VPS11: variants seen among roughly 807,000 people sequenced by gnomAD.
VPS11 encodes vacuolar protein sorting-associated protein 11 homolog.
A neutral mutation model predicts 106.8 loss-of-function variants in VPS11; 51 were observed. The ratio of observed to expected loss-of-function variants is 0.48; its 90% CI spans 0.38 to 0.60. VPS11 has a LOEUF of 0.60. Among genes scored for constraint, VPS11 ranks in the 20% least tolerant of loss-of-function variants. VPS11 has a pLI of 0.00. For missense variants in VPS11, 950 were observed against 1,190.0 expected, an observed-to-expected ratio of 0.80 and a Z score of 2.97; for synonymous variants, 453 against 458.7, an observed-to-expected ratio of 0.99 and a Z score of 0.16.
rs1445125263 is a variant in VPS11, at chr11:119,078,018, T to C, written c.1713T>C (p.Tyr571=). The change falls in exon 10 of 16, where the codon TAT becomes TAC. Residue 571 remains tyrosine, a synonymous_variant. Coordinates refer to ENST00000621676, the MANE Select transcript of VPS11 (RefSeq NM_021729.6). ...TQLLKGLCTD[Y]RPSLEGRSDR... ...TGCTGAAGGGACTTTGTACTGATTA[T>C]CGGCCCAGCCTCGAAGGCCGCAGCG... The C allele has an allele frequency of 5.6e-6, 9 of 1,613,352 alleles. No homozygotes were observed. Among genetic ancestry groups the C allele is most frequent in the Admixed American group, 1.7e-5 (1 of 60,028 alleles).
chr11:119,068,249 G>A (rs2133641447), intron 1 of VPS11: 24 of 441,906 alleles, frequency 5.4e-5, no homozygotes, highest in Admixed American at 1.2e-4. Flanking sequence ...ATCTGTAGGA[G>A]ATGTGTGCAT....
In VPS11 at chr11:119,078,636, G is replaced by A; in HGVS notation, c.1995G>A (p.Lys665=). 6.2e-7 allele frequency: 1 copy of A among 1,613,838 alleles called. No homozygotes were observed. Among genetic ancestry groups the A allele is most frequent in the Non-Finnish European group, 8.5e-7 (1 of 1,179,736 alleles). Residue 665 remains lysine, a synonymous_variant, in exon 12 of 16, where the codon AAG becomes AAA. Transcript: ENST00000621676. The part of the protein sequence containing the change: ...KSGRFCDVFD[K]ALVLCQMHDF... The stretch of plus-strand genomic sequence containing the variant: ...GTCGCTTCTGCGACGTCTTTGACAA[G>A]GCCCTGGTCCTGTGCCAGATGCACG...
intron 14 of VPS11, 103 bp downstream of exon 14, chr11:119,079,403 T>C: frequency 7.4e-7 from 1 of 1,353,412 alleles, no homozygotes; most frequent in South Asian, 1.6e-5. Context: ...GGAGTGCTTT[T>C]GAGCATTTTG....
At position 119,081,317 on chromosome 11, in the gene VPS11, G is replaced by A. The variant is rs369377750; in HGVS notation, c.2661+3G>A. The A allele has an allele frequency of 5.6e-6, 9 of 1,613,878 alleles. No homozygotes were observed. The highest frequency in any genetic ancestry group is 1.7e-5 in the Admixed American group (1 of 59,996). ...TCCATGATCAATTCCAGCATCAGGT[G>A]GGGATGAGTGGGCTAGATGGGCCAG... is the stretch of plus-strand genomic sequence containing the variant. On this transcript the variant is annotated splice_donor_region_variant and intron_variant, in intron 15 of 15. Coordinates refer to ENST00000621676, the MANE Select transcript of VPS11 (RefSeq NM_021729.6).
At chr11:119,080,488 C>A (rs1165705316) in intron 14 of VPS11, among the ~76,000 whole-genome samples, 1 of 152,032 alleles carries the variant, frequency 6.6e-6, no homozygotes, top group Non-Finnish European at 1.5e-5. Context: ...CCTGCCTTGG[C>A]CCCCTGAGTA....
At chr11:119,074,229 C>T (rs1945513050) in intron 7 of VPS11, among the ~76,000 whole-genome samples, 1 of 151,714 alleles carries the variant, frequency 6.6e-6, no homozygotes, top group South Asian at 2.1e-4. Context: ...GGATTACAGG[C>T]GCGTGCCACC....
In VPS11 at chr11:119,081,845, TG is replaced by T; in HGVS notation, c.*227del. On this transcript the variant is annotated 3_prime_UTR_variant, in exon 16 of 16. Transcript: ENST00000621676. The stretch of plus-strand genomic sequence containing the variant: ...AGCAGTGTAGATCATTCCAGATCAG[TG>T]GGGGAGGGCACCTCAGCAACCTCTG... The T allele has an allele frequency of 1.7e-6, 1 of 602,380 alleles. No homozygotes were observed. 37.3% of individuals were successfully genotyped at this position (602,380 alleles called of 1,614,324 possible).
In VPS11 at chr11:119,078,948, A is replaced by G. The variant is rs1945745335; in HGVS notation, c.2217A>G (p.Ala739=). 5 of 1,614,050 alleles carry G rather than the reference A, an allele frequency of 3.1e-6. No individual in the cohort carries two copies. The highest frequency in any genetic ancestry group is 4.2e-6 in the Non-Finnish European group (5 of 1,179,900). Reference sequence around the variant, plus strand: ...AGGAGGACTGCAAGGAGTATGTGGCAGCTGTCCTCAAGCATATCGAGAACA... The same window carrying G: ...AGGAGGACTGCAAGGAGTATGTGGCGGCTGTCCTCAAGCATATCGAGAACA... ...RKEEDCKEYV[A]AVLKHIENKN... Residue 739 remains alanine, a synonymous_variant, in exon 13 of 16, where the codon GCA becomes GCG. Coordinates refer to ENST00000621676, the MANE Select transcript of VPS11 (RefSeq NM_021729.6).
intron 7 of VPS11, among the ~76,000 whole-genome samples, chr11:119,074,995 G>C (rs576626370): frequency 5.8e-4 from 89 of 152,232 alleles, no homozygotes; most frequent in Non-Finnish European, 7.5e-4. Context: ...GGCCGGGCGC[G>C]GTAGCTCACG....
chr11:119,077,671 C>G (rs782129716), intron 9 of VPS11, 24 bp downstream of exon 9: 3 of 1,568,442 alleles, frequency 1.9e-6, no homozygotes. Flanking sequence ...TCTTTTTTCC[C>G]CAAGAGACAG....
intron 12 of VPS11, 22 bp downstream of exon 12, chr11:119,078,726 G>C: frequency 6.2e-7 from 1 of 1,609,224 alleles, no homozygotes; most frequent in Non-Finnish European, 8.5e-7. Context: ...GGGAATTTCA[G>C]GGAAAGGGGA....
Position 119,076,826 on chromosome 11 carries a change from A to G in VPS11, c.1239-71A>G, listed in dbSNP as rs968314911. 37 of 1,551,226 alleles carry G rather than the reference A, an allele frequency of 2.4e-5. No individual in the cohort carries two copies. The African/African-American group carries it at 4.7e-4, about 20-fold the overall frequency. On this transcript the variant is annotated intron_variant, in intron 7 of 15. Coordinates refer to ENST00000621676, the MANE Select transcript of VPS11 (RefSeq NM_021729.6). The stretch of plus-strand genomic sequence containing the variant: ...AATTTGCATTTTGAGAAGATCTGCA[A>G]GTGATTCCTGTGTACATGAGCTGGA...
intron 7 of VPS11, among the ~76,000 whole-genome samples, chr11:119,076,228 A>T (rs1376859134): frequency 1.3e-5 from 2 of 151,314 alleles, no homozygotes; most frequent in East Asian, 1.9e-4. Context: ...CGTCTCAAAA[A>T]AATAATAATA....
intron 8 of VPS11, 48 bp from the exon 9 acceptor site, chr11:119,077,453 C>T: frequency 6.3e-7 from 1 of 1,588,476 alleles, no homozygotes; most frequent in East Asian, 2.2e-5. Flanking sequence ...CCTCTCCCTT[C>T]TCTATCTCCC....
chr11:119,077,807 C>T, intron 9 of VPS11, 71 bp from the exon 10 acceptor site: 5 of 1,583,412 alleles, frequency 3.2e-6, no homozygotes, highest in Middle Eastern at 1.8e-4. Context: ...AAGACATCTC[C>T]AGAATGGTGA....
chr11:119,077,256 G>A (rs1184615499), intron 8 of VPS11, among the ~76,000 whole-genome samples, 173 bp downstream of exon 8: 1 of 152,174 alleles, frequency 6.6e-6, no homozygotes, highest in Non-Finnish European at 1.5e-5. Context: ...TATGATTCTA[G>A]AAATTCCCAT....
chr11:119,081,642 T>G lies in VPS11; in HGVS notation c.*19T>G, dbSNP rs1276596355. 7 of 1,612,500 alleles carry G rather than the reference T, an allele frequency of 4.3e-6. No homozygotes were observed. The highest frequency in any genetic ancestry group is 5.1e-6 in the Non-Finnish European group (6 of 1,179,214). ...CACTTAAGCAGCCTGGAGGAAGATG[T>G]GGGCAACAGTGGAGGACCAAGAGAA... On this transcript the variant is annotated 3_prime_UTR_variant, in exon 16 of 16. Transcript: ENST00000621676.
At chr11:119,077,725 A>T (rs557695206) in intron 9 of VPS11, 78 bp downstream of exon 9, 1 of 1,541,084 alleles carries the variant, frequency 6.5e-7, no homozygotes, top group African/African-American at 1.4e-5. Context: ...TCCTGGGCTC[A>T]GGTGATCCTC....
At chr11:119,074,860 T>C (rs1945542603) in intron 7 of VPS11, among the ~76,000 whole-genome samples, 1 of 152,214 alleles carries the variant, frequency 6.6e-6, no homozygotes, top group East Asian at 1.9e-4. Context: ...TTTGTAAATA[T>C]TCACTTTGAC....
Sources: allele counts gnomAD v4.1 joint callset (sites outside exome capture counted in the v4.1 genomes callset), GRCh38; gene constraint gnomAD v4.1.1; transcripts MANE v1.5; gene names NCBI Gene and HGNC (gene_info 2026-07-23, HGNC 2026-07-21).